ZNF710: variants seen among roughly 807,000 people sequenced by gnomAD.
ZNF710 encodes the protein zinc finger protein 710.
In ZNF710, 13 loss-of-function variants were observed where a neutral mutation model predicts 50.6. The ratio of observed to expected loss-of-function variants is 0.26; its 90% CI spans 0.17 to 0.41. ZNF710 has a LOEUF of 0.41. Ranked by LOEUF, ZNF710 falls within the 10% of genes least tolerant of loss-of-function variation. ZNF710 has a pLI of 1.00. For synonymous variants in ZNF710, 383 were observed against 397.0 expected, an observed-to-expected ratio of 0.96 and a Z score of 0.42; for missense variants, 721 against 936.6, an observed-to-expected ratio of 0.77 and a Z score of 3.01.
At chr15:90,006,142 G>A (rs1038288966) in intron 1 of ZNF710, among the ~76,000 whole-genome samples, 4 of 152,068 alleles carry the variant, frequency 2.6e-5, no homozygotes, top group African/African-American at 9.7e-5. Context: ...ACCCAGTGAG[G>A]CCTATAAGGG....
At chr15:90,058,123 G>C (rs1016927616) in intron 1 of ZNF710, among the ~76,000 whole-genome samples, 1 of 152,266 alleles carries the variant, frequency 6.6e-6, no homozygotes, top group South Asian at 2.1e-4. Context: ...TCAAGAGAGC[G>C]AGGGTTGTCA....
chr15:90,001,966 TGAGAGAGAGAGAGA>T (rs745830369), intron 1 of ZNF710, among the ~76,000 whole-genome samples: 15 of 96,790 alleles, frequency 1.5e-4, no homozygotes, highest in African/African-American at 4.2e-4. Flanking sequence ...AGCGCGCGAA[TGAGAGAGAGAGAGA>T]GAGAGAGAGA....
rs111557072 is a variant in ZNF710 at position 90,069,409 on chromosome 15, CA to C, written c.1458+826del. 2.7e-3 allele frequency among the ~76,000 whole-genome samples: 373 copies of C among 135,852 alleles called. 2 individuals carry two copies. The highest frequency in any genetic ancestry group is 7.1e-3 in the African/African-American group (263 of 37,162). 89.1% of individuals were successfully genotyped at this position (135,852 alleles called of 152,430 possible). On this transcript the variant is annotated intron_variant, in intron 2 of 4. Transcript: ENST00000268154. Reference sequence around the variant, plus strand: ...GGCAACCAGACTGAGACCCTGTCTCCAAAAAAAAAAAATCATTTTTATAACC... The same window carrying C: ...GGCAACCAGACTGAGACCCTGTCTCCAAAAAAAAAAATCATTTTTATAACC...
At chr15:90,047,635 G>T (rs1899508545) in intron 1 of ZNF710, among the ~76,000 whole-genome samples, 1 of 149,552 alleles carries the variant, frequency 6.7e-6, no homozygotes, top group Non-Finnish European at 1.5e-5. Context: ...GCCAGGCTGG[G>T]GTGTAGTGGT....
chr15:90,069,228 CAAAAAAAA>C (rs1231164801), intron 2 of ZNF710, among the ~76,000 whole-genome samples: 4 of 69,622 alleles, frequency 5.7e-5, no homozygotes, highest in African/African-American at 1.9e-4. Flanking sequence ...AACTCCATCT[CAAAAAAAA>C]AAAAAAAAAA....
At chr15:90,028,641 C>T (rs979386342) in intron 1 of ZNF710, among the ~76,000 whole-genome samples, 3 of 152,186 alleles carry the variant, frequency 2.0e-5, no homozygotes, top group African/African-American at 4.8e-5. Context: ...CATCAAATTA[C>T]CTGACATTTG....
intron 1 of ZNF710, among the ~76,000 whole-genome samples, chr15:90,016,745 C>T (rs546751463): frequency 2.0e-5 from 3 of 152,308 alleles, no homozygotes; most frequent in African/African-American, 7.2e-5. Context: ...ACCAACATTT[C>T]ATTGGTCAAG....
In ZNF710 at chr15:90,040,907, T is replaced by C. The variant is rs1899276736; in HGVS notation, c.-28-26203T>C. Among the ~76,000 whole-genome samples the C allele has an allele frequency of 2.0e-5, 3 of 152,330 alleles. No homozygotes were observed. Among genetic ancestry groups the C allele is most frequent in the South Asian group, 2.1e-4 (1 of 4,828 alleles). ...ACCACCCTATCATTCCTCCTCCTCC[T>C]CTCTTAGTTTTATCATTAGGTCGCA... On this transcript the variant is annotated intron_variant, in intron 1 of 4. Transcript: ENST00000268154. This position sits in a 1 kb window ranked among gnomAD's most constrained non-coding sequence, Gnocchi z 4.6.
At position 90,080,696 on chromosome 15, in the gene ZNF710, C is replaced by G. The variant is rs72758622; in HGVS notation, c.*867C>G. On this transcript the variant is annotated 3_prime_UTR_variant, in exon 5 of 5. Transcript: ENST00000268154. ...TTGGGGGAGGCCCAGGACCACCTGT[C>G]GGGGAGGGGGACCGCAGTCATTTCT... 4,149 of 152,398 alleles carry G rather than the reference C, an allele frequency of 0.027. 86 individuals carry two copies. Among genetic ancestry groups the G allele is most frequent in the Non-Finnish European group, 0.042 (2,891 of 68,104 alleles). The allele number at this position is 152,398 out of a possible 1,614,324, so 9.4% of individuals were successfully genotyped here.
intron 1 of ZNF710, among the ~76,000 whole-genome samples, chr15:90,046,568 C>T (rs769543618): frequency 1.5e-4 from 23 of 152,068 alleles, no homozygotes; most frequent in Non-Finnish European, 2.5e-4. Context: ...GACACCCAGA[C>T]GGGTGGGGAC....
At chr15:90,008,426 GTATATATATATATACATATATATA>G (rs893738372) in intron 1 of ZNF710, among the ~76,000 whole-genome samples, 1 of 124,272 alleles carries the variant, frequency 8.0e-6, no homozygotes, top group African/African-American at 3.8e-5. Context: ...GTGTGTGTGT[GTATATATATATATACATATATATA>G]TATGTATATA....
In ZNF710 at chr15:90,080,702, G is replaced by C. The variant is rs1260656743; in HGVS notation, c.*873G>C. On this transcript the variant is annotated 3_prime_UTR_variant, in exon 5 of 5. Coordinates refer to ENST00000268154, the MANE Select transcript of ZNF710 (RefSeq NM_198526.4). ...GAGGCCCAGGACCACCTGTCGGGGA[G>C]GGGGACCGCAGTCATTTCTCATTCC... 3.3e-5 allele frequency: 5 copies of C among 152,412 alleles called. No individual in the cohort carries two copies. In the East Asian group the frequency reaches 9.7e-4, roughly 29 times the overall value. 9.4% of individuals were successfully genotyped at this position (152,412 alleles called of 1,614,324 possible).
At chr15:90,014,903 T>C (rs1898410000) in intron 1 of ZNF710, among the ~76,000 whole-genome samples, 1 of 151,876 alleles carries the variant, frequency 6.6e-6, no homozygotes, top group Non-Finnish European at 1.5e-5. Context: ...TTTTTTTTTT[T>C]TTTTTTGAGA....
chr15:90,032,928 G>A (rs1424713229), intron 1 of ZNF710, among the ~76,000 whole-genome samples: 2 of 152,118 alleles, frequency 1.3e-5, no homozygotes, highest in African/African-American at 2.4e-5. Flanking sequence ...AAAAAAGTGT[G>A]TGTTTGAAAT....
chr15:90,033,195 C>T (rs1045854390), intron 1 of ZNF710, among the ~76,000 whole-genome samples: 5 of 152,128 alleles, frequency 3.3e-5, no homozygotes, highest in African/African-American at 9.7e-5. Flanking sequence ...GGCTTCATCT[C>T]GAACAGCGTG....
chr15:90,008,018 T>A (rs1028280323), intron 1 of ZNF710, among the ~76,000 whole-genome samples: 5 of 152,116 alleles, frequency 3.3e-5, no homozygotes, highest in African/African-American at 1.2e-4. Flanking sequence ...TTAAAAATTC[T>A]AGAATTGGAA....
At chr15:90,057,690 AAATAATAATAATAAT>A (rs71151550) in intron 1 of ZNF710, among the ~76,000 whole-genome samples, 1 of 139,524 alleles carries the variant, frequency 7.2e-6, no homozygotes, top group Non-Finnish European at 1.5e-5. Context: ...GAGCAAGACT[AAATAATAATAATAAT>A]AATAATAATA....
At position 90,072,953 on chromosome 15, in the gene ZNF710, T is replaced by C. The variant is rs1900442893; in HGVS notation, c.1459-118T>C. On this transcript the variant is annotated intron_variant, in intron 2 of 4. Transcript: ENST00000268154. ...TGGAATACCCTCAAAAAGAGACATT[T>C]CCCAGAAAGTGTGCCTTTGTGATGC... The C allele has an allele frequency of 2.8e-6, 3 of 1,060,742 alleles. No homozygotes were observed. The South Asian group carries it at 5.0e-5, about 18-fold the overall frequency. 65.7% of individuals were successfully genotyped at this position (1,060,742 alleles called of 1,614,324 possible). A position where few individuals can be genotyped will look rare whatever the true frequency, so the allele number is the denominator to read the frequency against.
At chr15:90,008,457 T>TATATACAC (rs1898211077) in intron 1 of ZNF710, among the ~76,000 whole-genome samples, 1 of 137,726 alleles carries the variant, frequency 7.3e-6, no homozygotes, top group African/African-American at 2.8e-5. Flanking sequence ...TATATATGTA[T>TATATACAC]ATATATATAC....
Sources: gnomAD v4.1 joint callset for allele counts (sites outside exome capture counted in the v4.1 genomes callset) on GRCh38, gnomAD v4.1.1 for gene constraint, Gnocchi (gnomAD v3.1) non-coding constraint, MANE v1.5 for transcripts, NCBI Gene and HGNC (gene_info 2026-07-23, HGNC 2026-07-21) for gene names.